The following GINM1 variants were observed in gnomAD, a reference collection of about 807,000 sequenced individuals.
The protein encoded by GINM1 is glycosylated integral membrane protein 1.
GINM1 carries 29 observed loss-of-function variants against 37.8 expected under a neutral mutation model. The ratio of observed to expected loss-of-function variants is 0.77; its 90% CI spans 0.57 to 1.05. GINM1 has a LOEUF of 1.05. Among genes scored for constraint, GINM1 ranks in the 50% least tolerant of loss-of-function variants. GINM1 has a pLI of 0.00. For missense variants in GINM1, 377 were observed against 397.9 expected, an observed-to-expected ratio of 0.95 and a Z score of 0.45; for synonymous variants, 143 against 146.2, an observed-to-expected ratio of 0.98 and a Z score of 0.16.
chr6:149,577,674 C>T (rs1439439284), intron 3 of GINM1, among the ~76,000 whole-genome samples: 1 of 152,110 alleles, frequency 6.6e-6, no homozygotes, highest in East Asian at 1.9e-4. Flanking sequence ...AAGGAAGTAG[C>T]CCTATAGATG....
At chr6:149,579,619 A>G (rs926000806) in intron 4 of GINM1, among the ~76,000 whole-genome samples, 1 of 151,920 alleles carries the variant, frequency 6.6e-6, no homozygotes, top group Non-Finnish European at 1.5e-5. Flanking sequence ...TTGAACCCAG[A>G]AGGCGGAGGT....
intron 1 of GINM1, among the ~76,000 whole-genome samples, chr6:149,567,335 A>G (rs372657627): frequency 3.9e-5 from 6 of 152,294 alleles, no homozygotes; most frequent in South Asian, 4.1e-4. Flanking sequence ...TGAATATTTT[A>G]AAGAGCAAGT....
chr6:149,569,442 G>T (rs572110698), intron 1 of GINM1, among the ~76,000 whole-genome samples: 1 of 150,816 alleles, frequency 6.6e-6, no homozygotes, highest in Non-Finnish European at 1.5e-5. Flanking sequence ...GGGTTCCAGC[G>T]ATTCTCCTGC....
At position 149,582,476 on chromosome 6, in the gene GINM1, CT is replaced by C. The variant is rs1778017188; in HGVS notation, c.755del (p.Leu252ArgfsTer16). The C allele has an allele frequency of 6.2e-7, 1 of 1,608,960 alleles. No individual in the cohort carries two copies. Among genetic ancestry groups the C allele is most frequent in the Non-Finnish European group, 8.5e-7 (1 of 1,178,998 alleles). On this transcript the variant is annotated frameshift_variant, in exon 7 of 8. Coordinates refer to ENST00000367419, the MANE Select transcript of GINM1 (RefSeq NM_138785.5). LOFTEE classifies it high-confidence loss of function. ...GTGGATGGAAAAGTTTAGAAAAGAT[CT>C]GTGTAGGTTCTGGAGCAACGTTTTC... ...CQWMEKFRKD[L>X]CRFWSNVFPV...
At chr6:149,583,628 G>GAA (rs112596826) in intron 7 of GINM1, among the ~76,000 whole-genome samples, 5 of 100,968 alleles carry the variant, frequency 5.0e-5, no homozygotes, top group African/African-American at 1.4e-4. Flanking sequence ...ACTCCCTCTC[G>GAA]AAAAAAAAAA....
intron 3 of GINM1, among the ~76,000 whole-genome samples, chr6:149,576,988 A>AG (rs761532374): frequency 2.3e-4 from 35 of 152,136 alleles, no homozygotes; most frequent in Admixed American, 4.6e-4. Context: ...TGGAAGGCAA[A>AG]GGGGGAGCCA....
Position 149,572,602 on chromosome 6 carries a change from A to G in GINM1, c.276A>G (p.Ile92Met). The G allele has an allele frequency of 6.7e-7, 1 of 1,499,340 alleles. No homozygotes were observed. Among genetic ancestry groups the G allele is most frequent in the Non-Finnish European group, 9.3e-7 (1 of 1,078,118 alleles). 92.9% of individuals were successfully genotyped at this position (1,499,340 alleles called of 1,614,324 possible). The stretch of plus-strand genomic sequence containing the variant: ...CCCGAATAAGCTGTCAGACTTTGAT[A>G]GGTGAGTATTACTAAATTATTTCCA... ...GVTRISCQTL[I>M]VKNENLENLE... The change falls in exon 3 of 8, where the codon ATA becomes ATG. Residue 92 changes from isoleucine (I) to methionine (M), a missense_variant and splice_region_variant. By Grantham distance (10) the Ile-to-Met change is conservative. Transcript: ENST00000367419.
chr6:149,572,650 TTTG>T (rs568375038), intron 3 of GINM1, 47 bp downstream of exon 3: 1,265 of 1,122,326 alleles, frequency 1.1e-3, no homozygotes, highest in Middle Eastern at 6.6e-3. Flanking sequence ...TTTTTGTGTG[TTTG>T]TTGTTGTTGT....
chr6:149,581,564 G>T (rs535645055), intron 6 of GINM1, among the ~76,000 whole-genome samples: 1 of 152,308 alleles, frequency 6.6e-6, no homozygotes, highest in South Asian at 2.1e-4. Flanking sequence ...CTGAATAGCA[G>T]TGTAAAGTAG....
At chr6:149,589,560 A>T (rs1307154101) in intron 7 of GINM1, among the ~76,000 whole-genome samples, 1 of 152,006 alleles carries the variant, frequency 6.6e-6, no homozygotes, top group Non-Finnish European at 1.5e-5. Context: ...GGCATGAGCC[A>T]CTGCACCCAG....
chr6:149,580,685 G>A lies in GINM1; in HGVS notation c.679G>A (p.Glu227Lys). 1 of 1,612,870 alleles carries A rather than the reference G, an allele frequency of 6.2e-7. No homozygotes were observed. Among genetic ancestry groups the A allele is most frequent in the Non-Finnish European group, 8.5e-7 (1 of 1,179,376 alleles). Residue 227 changes from glutamate to lysine, a missense_variant, in exon 6 of 8, where the codon GAA becomes AAA. Glu to Lys is a moderately conservative substitution (Grantham distance 56). Transcript: ENST00000367419. The part of the protein sequence containing the change: ...DEDVLPGKLP[E>K]TPLRAEPPSS... ...AGATGTTTTACCTGGCAAGTTACCT[G>A]AAACTCCTCTCAGAGCAGAGCCGCC... is the stretch of plus-strand genomic sequence containing the variant.
intron 7 of GINM1, among the ~76,000 whole-genome samples, chr6:149,583,566 T>G (rs560068754): frequency 6.7e-6 from 1 of 150,114 alleles, no homozygotes; most frequent in South Asian, 2.1e-4. Context: ...AAGGCGGAGG[T>G]TGTGGTGAGC....
chr6:149,570,969 A>G (rs1168388545), intron 1 of GINM1, among the ~76,000 whole-genome samples: 2 of 152,172 alleles, frequency 1.3e-5, no homozygotes, highest in African/African-American at 4.8e-5. Context: ...TTGAGAGGCA[A>G]TAAAATTGGA....
chr6:149,587,737 C>T (rs936234265), intron 7 of GINM1, among the ~76,000 whole-genome samples: 1 of 152,164 alleles, frequency 6.6e-6, no homozygotes. Flanking sequence ...CAGGTTTCAT[C>T]ACACAGGCAT....
At chr6:149,590,688 C>A in intron 7 of GINM1, 39 bp from the exon 8 acceptor site, 2 of 1,047,442 alleles carry the variant, frequency 1.9e-6, no homozygotes, top group Non-Finnish European at 3.0e-6. Flanking sequence ...GCAGAGGAAA[C>A]ATTTAATTTT....
intron 1 of GINM1, among the ~76,000 whole-genome samples, chr6:149,570,611 G>A (rs989587650): frequency 2.6e-5 from 4 of 152,084 alleles, no homozygotes; most frequent in African/African-American, 7.2e-5. Context: ...GAATCAGCTC[G>A]ACCTCATGAA....
At chr6:149,588,434 C>A (rs771237221) in intron 7 of GINM1, among the ~76,000 whole-genome samples, 1 of 152,140 alleles carries the variant, frequency 6.6e-6, no homozygotes, top group Non-Finnish European at 1.5e-5. Context: ...ATATGTAATG[C>A]ACATTGCAGA....
chr6:149,580,647 C>T lies in GINM1; in HGVS notation c.641C>T (p.Thr214Ile). The T allele has an allele frequency of 2.5e-6, 4 of 1,613,644 alleles. No homozygotes were observed. The highest frequency in any genetic ancestry group is 1.3e-5 in the African/African-American group (1 of 75,026). The change falls in exon 6 of 8, where the codon ACC becomes ATC. Residue 214 changes from threonine to isoleucine, a missense_variant. Coordinates refer to ENST00000367419, the MANE Select transcript of GINM1 (RefSeq NM_138785.5). ...CAGTATCTTATCAGGAATGTGGAAACCACTGTAGATGAAGATGTTTTACCT... is the reference window on the plus strand; with the variant it reads ...CAGTATCTTATCAGGAATGTGGAAATCACTGTAGATGAAGATGTTTTACCT... ...TSQYLIRNVETTVDEDVLPGK... is the reference protein window; with the variant it reads ...TSQYLIRNVEITVDEDVLPGK...
intron 1 of GINM1, among the ~76,000 whole-genome samples, chr6:149,570,552 A>G (rs775612668): frequency 9.9e-5 from 15 of 152,052 alleles, no homozygotes; most frequent in Admixed American, 9.8e-4. Flanking sequence ...CCCTAAATGT[A>G]TGATGTTGGT....
Sources: allele counts gnomAD v4.1 joint callset (sites outside exome capture counted in the v4.1 genomes callset), GRCh38; gene constraint gnomAD v4.1.1; transcripts MANE v1.5; gene names NCBI Gene and HGNC (gene_info 2026-07-23, HGNC 2026-07-21).